The following GCNT2 variants were observed in gnomAD, a reference collection of about 807,000 sequenced individuals.
GCNT2 encodes the protein glucosaminyl (N-acetyl) transferase 2 (I blood group), also known as N-acetyllactosaminide beta-1,6-N-acetylglucosaminyl-transferase.
Under a neutral mutation model 34.2 loss-of-function variants are expected in GCNT2, and 34 were observed. The ratio of observed to expected loss-of-function variants is 1.00; its 90% CI spans 0.76 to 1.32. GCNT2 has a LOEUF of 1.32. Ranked by LOEUF, GCNT2 falls within the 40% of genes most tolerant of loss-of-function variation. The pLI is 0.00. For synonymous variants in GCNT2, 212 were observed against 188.0 expected, an observed-to-expected ratio of 1.13 and a Z score of -1.04; for missense variants, 584 against 489.4, an observed-to-expected ratio of 1.19 and a Z score of -1.82.
At chr6:10,602,201 T>TA (rs965602168) in intron 3 of GCNT2, among the ~76,000 whole-genome samples, 9 of 152,222 alleles carry the variant, frequency 5.9e-5, no homozygotes, top group African/African-American at 2.2e-4. Context: ...AAATTGCACA[T>TA]ACCAGAATTG....
intron 3 of GCNT2, among the ~76,000 whole-genome samples, chr6:10,580,517 G>T (rs573608979): frequency 6.6e-6 from 1 of 152,096 alleles, no homozygotes; most frequent in African/African-American, 2.4e-5. Flanking sequence ...TGGCCAAAGA[G>T]TTTGAGGTTG....
At chr6:10,586,035 G>C in intron 3 of GCNT2, 2 of 1,614,130 alleles carry the variant, frequency 1.2e-6, no homozygotes, top group Non-Finnish European at 1.7e-6. Context: ...TCTGCTCAGC[G>C]TGGTCATTTT....
At chr6:10,540,349 G>C (rs1486440741) in intron 3 of GCNT2, among the ~76,000 whole-genome samples, 1 of 151,164 alleles carries the variant, frequency 6.6e-6, no homozygotes, top group Admixed American at 6.6e-5. Context: ...CTGTCTTTTT[G>C]TTCTGGAATA....
intron 3 of GCNT2, among the ~76,000 whole-genome samples, chr6:10,537,713 A>C (rs1356684369): frequency 2.8e-5 from 4 of 143,824 alleles, no homozygotes; most frequent in Admixed American, 7.0e-5. Flanking sequence ...AAAAAAAAAA[A>C]AAAAAAAAAA....
intron 3 of GCNT2, among the ~76,000 whole-genome samples, chr6:10,606,864 A>T (rs1042656185): frequency 2.0e-5 from 3 of 152,070 alleles, no homozygotes; most frequent in African/African-American, 7.2e-5. Context: ...ACTGGTTTTT[A>T]TAACCAGCTC....
chr6:10,593,304 A>G (rs1048247001), intron 3 of GCNT2, among the ~76,000 whole-genome samples: 14 of 152,164 alleles, frequency 9.2e-5, no homozygotes, highest in Admixed American at 8.5e-4. Flanking sequence ...TATCGATTGT[A>G]TAAGACAGTT....
chr6:10,558,759 C>T (rs115123322), intron 3 of GCNT2, among the ~76,000 whole-genome samples: 291 of 152,314 alleles, frequency 1.9e-3, no homozygotes, highest in Middle Eastern at 6.8e-3. Flanking sequence ...TGGAAAATAC[C>T]ATGCCTGGTG....
chr6:10,584,942 C>G (rs1278050404), intron 3 of GCNT2, among the ~76,000 whole-genome samples: 1 of 151,980 alleles, frequency 6.6e-6, no homozygotes, highest in Non-Finnish European at 1.5e-5. Flanking sequence ...CTGACTCTTT[C>G]ATGTAAAATG....
chr6:10,591,905 G>A (rs1764663309), intron 3 of GCNT2, among the ~76,000 whole-genome samples: 1 of 152,214 alleles, frequency 6.6e-6, no homozygotes, highest in South Asian at 2.1e-4. Flanking sequence ...AGGTCACTGG[G>A]ACCTTACGTC....
intron 4 of GCNT2, among the ~76,000 whole-genome samples, chr6:10,625,734 G>A (rs1032311737): frequency 2.0e-5 from 3 of 152,082 alleles, no homozygotes; most frequent in Non-Finnish European, 4.4e-5. Context: ...TCCACGGGGG[G>A]ATACATTTCA....
intron 1 of GCNT2, among the ~76,000 whole-genome samples, chr6:10,524,521 G>T (rs1334503177): frequency 6.6e-6 from 1 of 152,154 alleles, no homozygotes; most frequent in East Asian, 1.9e-4. Context: ...CCCTGTTGCT[G>T]GAAGCCTGTG....
At chr6:10,563,436 G>A (rs1277503799) in intron 3 of GCNT2, among the ~76,000 whole-genome samples, 2 of 152,166 alleles carry the variant, frequency 1.3e-5, no homozygotes, top group Admixed American at 1.3e-4. Flanking sequence ...AGATGAGAAA[G>A]TTTAAGATGA....
chr6:10,542,820 C>T (rs1762093916), intron 3 of GCNT2, among the ~76,000 whole-genome samples: 1 of 149,848 alleles, frequency 6.7e-6, no homozygotes, highest in South Asian at 2.1e-4. Flanking sequence ...CTGAACAAGT[C>T]ACTATGGGGA....
At chr6:10,541,006 T>G (rs898302163) in intron 3 of GCNT2, among the ~76,000 whole-genome samples, 1 of 152,150 alleles carries the variant, frequency 6.6e-6, no homozygotes, top group African/African-American at 2.4e-5. Context: ...TTGTATATTG[T>G]TTTTGTTTTC....
intron 3 of GCNT2, among the ~76,000 whole-genome samples, chr6:10,546,013 G>A (rs996711667): frequency 1.3e-5 from 2 of 152,080 alleles, no homozygotes; most frequent in Non-Finnish European, 2.9e-5. Context: ...ATATTTTCCC[G>A]ATGTGTGTTT....
intron 3 of GCNT2, among the ~76,000 whole-genome samples, chr6:10,582,286 A>C (rs1341628886): frequency 9.2e-6 from 1 of 108,142 alleles, no homozygotes; most frequent in Non-Finnish European, 1.7e-5. Context: ...ATAAATATAT[A>C]TAATATTACT....
chr6:10,526,484 C>T (rs955438346), intron 1 of GCNT2, among the ~76,000 whole-genome samples: 1 of 152,118 alleles, frequency 6.6e-6, no homozygotes, highest in Non-Finnish European at 1.5e-5. Flanking sequence ...GAAGATAATA[C>T]CCAAGGCACA....
chr6:10,532,498 C>T (rs181628016), intron 3 of GCNT2, among the ~76,000 whole-genome samples: 8 of 152,250 alleles, frequency 5.3e-5, no homozygotes, highest in South Asian at 4.1e-4. Flanking sequence ...GGCACAATCA[C>T]GGCTCACGGC....
chr6:10,609,678 G>T (rs753807559), intron 3 of GCNT2, among the ~76,000 whole-genome samples: 2 of 152,200 alleles, frequency 1.3e-5, no homozygotes, highest in Non-Finnish European at 2.9e-5. Context: ...TGAGGAGCTG[G>T]CTGGGGCAGT....
Sources: allele counts gnomAD v4.1 joint callset (sites outside exome capture counted in the v4.1 genomes callset), GRCh38; gene constraint gnomAD v4.1.1; transcripts MANE v1.5; gene names NCBI Gene and HGNC (gene_info 2026-07-23, HGNC 2026-07-21).